The following KCNN4 variants were observed in gnomAD, a reference collection of about 807,000 sequenced individuals.
KCNN4 encodes intermediate conductance calcium-activated potassium channel protein 4.
Under a neutral mutation model 45.2 loss-of-function variants are expected in KCNN4, and 31 were observed. That is an observed-to-expected ratio of 0.69 (90% CI 0.52 to 0.92). KCNN4 has a LOEUF of 0.92. Ranked by LOEUF, KCNN4 falls within the 40% of genes least tolerant of loss-of-function variation. The pLI is 0.00. For synonymous variants in KCNN4, 231 were observed against 254.6 expected (o/e 0.91, Z 0.88); for missense variants, 463 against 574.0 (o/e 0.81, Z 1.98).
rs1448417440 is a variant in KCNN4, at chr19:43,769,856, T to A, written c.820-27A>T. On this transcript the variant is annotated intron_variant, in intron 4 of 8. Transcript: ENST00000648319. The surrounding 1 kb of genome is among the most constrained non-coding windows in gnomAD (Gnocchi z 4.4). ...TGTGGGCACAGCAGGCACCGTGGCA[T>A]GAGGCTGTGCCACCGACTCCCTCCT... is the stretch of plus-strand genomic sequence containing the variant. The A allele has an allele frequency of 6.5e-7, 1 of 1,544,178 alleles. No homozygotes were observed. The highest frequency in any genetic ancestry group is 1.4e-5 in the African/African-American group (1 of 73,668).
chr19:43,778,315 T>C (rs559987699), intron 1 of KCNN4, among the ~76,000 whole-genome samples: 11 of 152,070 alleles, frequency 7.2e-5, no homozygotes, highest in African/African-American at 2.2e-4. Flanking sequence ...TCTTGGCTCA[T>C]TGCAAGCTCC....
At chr19:43,776,714 A>T in intron 1 of KCNN4, 78 bp from the exon 2 acceptor site, 1 of 885,016 alleles carries the variant, frequency 1.1e-6, no homozygotes, top group African/African-American at 1.8e-5. Flanking sequence ...CTTCAAAACC[A>T]CCATTTTTTT....
At position 43,776,650 on chromosome 19, in the gene KCNN4, C is replaced by G. The variant is rs200897933; in HGVS notation, c.160-14G>C. 1.3e-6 allele frequency: 2 copies of G among 1,564,878 alleles called. No individual in the cohort carries two copies. Among genetic ancestry groups the G allele is most frequent in the Non-Finnish European group, 1.8e-6 (2 of 1,135,768 alleles). On this transcript the variant is annotated splice_polypyrimidine_tract_variant and intron_variant, in intron 1 of 8. Coordinates refer to ENST00000648319, the MANE Select transcript of KCNN4 (RefSeq NM_002250.3). ...GTAGAGCGCCCACTGTCAGGGGGGA[C>G]GGAAAAAGCGGTGTGAGATCCCAGG...
At chr19:43,771,972 A>G in intron 4 of KCNN4, 28 bp downstream of exon 4, 1 of 1,572,658 alleles carries the variant, frequency 6.4e-7, no homozygotes, top group Non-Finnish European at 8.6e-7. Flanking sequence ...TGGGATAGGG[A>G]TCATGTCCCC....
At chr19:43,773,724 T>C (rs1465370145) in intron 3 of KCNN4, among the ~76,000 whole-genome samples, 1 of 152,152 alleles carries the variant, frequency 6.6e-6, no homozygotes, top group Non-Finnish European at 1.5e-5. Flanking sequence ...ATTCCCTGCT[T>C]GGAATTATTT....
At position 43,767,701 on chromosome 19, in the gene KCNN4, T is replaced by A. The variant is rs991431807; in HGVS notation, c.1126A>T (p.Met376Leu). 2 of 1,614,036 alleles carry A rather than the reference T, an allele frequency of 1.2e-6. No homozygotes were observed. Among genetic ancestry groups the A allele is most frequent in the African/African-American group, 2.7e-5 (2 of 74,920 alleles). The change falls in exon 8 of 9, where the codon ATG becomes TTG. Residue 376 changes from methionine to leucine, a missense_variant. This residue lies in a region of KCNN4 where 129 missense variants were observed against 149.4 expected (regional missense o/e 0.86). Transcript: ENST00000648319. The stretch of plus-strand genomic sequence containing the variant: ...TTCTGCTGCAGGTCATACAGGATCA[T>A]GTGCATCTGGGTGGGAGGAGAGGAT... ...NSMVDISKMH[M>L]ILYDLQQNLS... is the part of the protein sequence containing the mutation.
rs761628972 is a variant in KCNN4, at chr19:43,769,056, G to C, written c.1050-24C>G. The C allele has an allele frequency of 6.2e-7, 1 of 1,613,514 alleles. No individual in the cohort carries two copies. The highest frequency in any genetic ancestry group is 8.5e-7 in the Non-Finnish European group (1 of 1,179,396). ...ACCTGTGGGAAGAAGTGGGGAGTCA[G>C]TTTTACAAGCCTGGTCCCTGAATGT... On this transcript the variant is annotated intron_variant, in intron 6 of 8. Transcript: ENST00000648319. This position sits in a 1 kb window ranked among gnomAD's most constrained non-coding sequence, Gnocchi z 4.4.
chr19:43,780,533 C>CT (rs1969952731), intron 1 of KCNN4, among the ~76,000 whole-genome samples, 170 bp downstream of exon 1: 3 of 129,578 alleles, frequency 2.3e-5, no homozygotes, highest in Admixed American at 8.1e-5. Context: ...GTCCAAGTCC[C>CT]CAGTCCCTCC....
intron 7 of KCNN4, 152 bp downstream of exon 7, chr19:43,768,811 A>ATTCC: frequency 1.5e-6 from 1 of 676,000 alleles, no homozygotes; most frequent in South Asian, 1.7e-5. Context: ...TGCATCATTC[A>ATTCC]TTCCTTCCTT....
rs1969746474 is a variant in KCNN4 at position 43,774,645 on chromosome 19, G to GGGGTCAGGAGCAGGTCAGGCGC, written c.256-48_256-27dup. 6.8e-7 allele frequency: 1 copy of GGGGTCAGGAGCAGGTCAGGCGC among 1,481,364 alleles called. No homozygotes were observed. Among genetic ancestry groups the GGGGTCAGGAGCAGGTCAGGCGC allele is most frequent in the Non-Finnish European group, 8.9e-7 (1 of 1,124,738 alleles). 91.8% of individuals were successfully genotyped at this position (1,481,364 alleles called of 1,614,324 possible). A position where few individuals can be genotyped will look rare whatever the true frequency, so the allele number is the denominator to read the frequency against. On this transcript the variant is annotated intron_variant, in intron 2 of 8. Transcript: ENST00000648319. The surrounding 1 kb of genome is among the most constrained non-coding windows in gnomAD (Gnocchi z 5.6). ...CTGCCGGTAGGGGGCCAAGAAGGGA[G>GGGGTCAGGAGCAGGTCAGGCGC]GGGTCAGGAGCAGGTCAGGCGCAGG...
At chr19:43,776,476 G>T in intron 2 of KCNN4, 65 bp downstream of exon 2, 1 of 1,109,956 alleles carries the variant, frequency 9.0e-7, no homozygotes, top group Non-Finnish European at 1.4e-6. Context: ...AGGGTGGAAA[G>T]TGTGAGCTGA....
rs960278376 is a variant in KCNN4, at chr19:43,774,056, A to G, written c.683+136T>C. Reference sequence around the variant, plus strand: ...GGAGTGTGGGCAAATTTCAGCCAGCAAGAGGAGAAGGGGTCAAAGTGTGAA... The same window carrying G: ...GGAGTGTGGGCAAATTTCAGCCAGCGAGAGGAGAAGGGGTCAAAGTGTGAA... On this transcript the variant is annotated intron_variant, in intron 3 of 8. Coordinates refer to ENST00000648319, the MANE Select transcript of KCNN4 (RefSeq NM_002250.3). This position sits in a 1 kb window ranked among gnomAD's most constrained non-coding sequence, Gnocchi z 5.6. 2.1e-6 allele frequency: 2 copies of G among 937,960 alleles called. No homozygotes were observed. The highest frequency in any genetic ancestry group is 1.7e-5 in the African/African-American group (1 of 59,784). 58.1% of individuals were successfully genotyped at this position (937,960 alleles called of 1,614,324 possible).
intron 1 of KCNN4, among the ~76,000 whole-genome samples, chr19:43,779,937 G>T (rs11083722): frequency 0.91 from 138,451 of 152,150 alleles, 63,407 homozygotes; most frequent in South Asian, 0.98. Flanking sequence ...GGGGTTGGTG[G>T]GGGGAGGCAG....
At position 43,769,205 on chromosome 19, in the gene KCNN4, TC is replaced by T; in HGVS notation, c.1050-174del. ...CACCCTGCCTCCCCACGAGCCCCCA[TC>T]CCCAGTAGAAACCCAGGTACCCAGG... On this transcript the variant is annotated intron_variant, in intron 6 of 8. Coordinates refer to ENST00000648319, the MANE Select transcript of KCNN4 (RefSeq NM_002250.3). The surrounding 1 kb of genome is among the most constrained non-coding windows in gnomAD (Gnocchi z 4.4). The T allele has an allele frequency of 1.4e-6, 1 of 734,700 alleles. No individual in the cohort carries two copies. Among genetic ancestry groups the T allele is most frequent in the Non-Finnish European group, 2.3e-6 (1 of 434,200 alleles). The allele number at this position is 734,700 out of a possible 1,614,324, so 45.5% of individuals were successfully genotyped here.
chr19:43,768,740 AT>A (rs754029039), intron 7 of KCNN4, among the ~76,000 whole-genome samples: 128 of 147,120 alleles, frequency 8.7e-4, no homozygotes, highest in East Asian at 2.0e-3. Flanking sequence ...TCTTTGTGCA[AT>A]TTTTTTTTTT....
chr19:43,767,291 G>C, intron 8 of KCNN4: 1 of 199,014 alleles, frequency 5.0e-6, no homozygotes, highest in South Asian at 1.2e-4. Context: ...AGGACAGGCA[G>C]AGAGAGAGAG....
At chr19:43,780,386 C>T (rs1404040388) in intron 1 of KCNN4, among the ~76,000 whole-genome samples, 13 of 146,604 alleles carry the variant, frequency 8.9e-5, no homozygotes, top group Middle Eastern at 3.8e-3. Context: ...GTCCTGACCC[C>T]CAGCCCCTCC....
At chr19:43,768,702 A>T (rs1969550143) in intron 7 of KCNN4, among the ~76,000 whole-genome samples, 1 of 152,202 alleles carries the variant, frequency 6.6e-6, no homozygotes, top group Admixed American at 6.5e-5. Context: ...CTTAACAATA[A>T]AGATAATTTG....
Position 43,774,057 on chromosome 19 carries a change from AGAG to A in KCNN4, c.683+132_683+134del, listed in dbSNP as rs1969716679. On this transcript the variant is annotated intron_variant, in intron 3 of 8. Coordinates refer to ENST00000648319, the MANE Select transcript of KCNN4 (RefSeq NM_002250.3). The surrounding 1 kb of genome is among the most constrained non-coding windows in gnomAD (Gnocchi z 5.6). ...GAGTGTGGGCAAATTTCAGCCAGCA[AGAG>A]GAGAAGGGGTCAAAGTGTGAACTTT... The A allele has an allele frequency of 2.1e-6, 2 of 945,980 alleles. No homozygotes were observed. Among genetic ancestry groups the A allele is most frequent in the Non-Finnish European group, 3.1e-6 (2 of 639,282 alleles). The allele number at this position is 945,980 out of a possible 1,614,324, so 58.6% of individuals were successfully genotyped here.
Sources: allele counts gnomAD v4.1 joint callset (sites outside exome capture counted in the v4.1 genomes callset), GRCh38; gene constraint gnomAD v4.1.1; regional missense constraint gnomAD v4.1.1; non-coding constraint Gnocchi (gnomAD v3.1); transcripts MANE v1.5; gene names NCBI Gene and HGNC (gene_info 2026-07-23, HGNC 2026-07-21).